RHOBTB2: variants seen among roughly 807,000 people sequenced by gnomAD.
RHOBTB2 encodes Rho related BTB domain containing 2.
RHOBTB2 carries 39 observed loss-of-function variants against 66.5 expected under a neutral mutation model. The ratio of observed to expected loss-of-function variants is 0.59; its 90% CI spans 0.45 to 0.77. RHOBTB2 has a LOEUF of 0.77. RHOBTB2 is among the 30% of genes least tolerant of loss of function. The probability of loss-of-function intolerance (pLI) is 0.00; values close to 1 mark genes in which losing one functional copy is unlikely to be tolerated. For synonymous variants in RHOBTB2, 390 were observed against 395.0 expected (o/e 0.99, Z 0.15); for missense variants, 755 against 999.1 (o/e 0.76, Z 3.29).
At chr8:23,014,396 A>T (rs868172982) in intron 7 of RHOBTB2, among the ~76,000 whole-genome samples, 2 of 152,286 alleles carry the variant, frequency 1.3e-5, no homozygotes, top group Non-Finnish European at 2.9e-5. Flanking sequence ...TCTGTTGGGA[A>T]CTTTGACCCT....
chr8:23,008,774 T>C (rs1296857601), intron 6 of RHOBTB2, among the ~76,000 whole-genome samples: 1 of 152,058 alleles, frequency 6.6e-6, no homozygotes, highest in African/African-American at 2.4e-5. Context: ...GTTTGAATAA[T>C]GTTAGCCGGC....
chr8:22,993,809 C>G (rs937605084), intron 2 of RHOBTB2, among the ~76,000 whole-genome samples: 3 of 152,242 alleles, frequency 2.0e-5, no homozygotes, highest in South Asian at 4.1e-4. Flanking sequence ...CCTGGCATCT[C>G]TAACCTCTTC....
intron 2 of RHOBTB2, among the ~76,000 whole-genome samples, chr8:23,005,074 G>A (rs1016514423): frequency 3.3e-5 from 5 of 152,096 alleles, no homozygotes; most frequent in African/African-American, 1.2e-4. Flanking sequence ...ACCCATAGCA[G>A]TCCCTTAGGG....
intron 6 of RHOBTB2, among the ~76,000 whole-genome samples, chr8:23,009,396 G>T (rs1448529127): frequency 6.6e-6 from 1 of 152,138 alleles, no homozygotes; most frequent in Non-Finnish European, 1.5e-5. Context: ...AAGCAGAGTA[G>T]CCTGGGCAGT....
At chr8:23,009,502 G>T (rs951859274) in intron 6 of RHOBTB2, among the ~76,000 whole-genome samples, 1 of 152,256 alleles carries the variant, frequency 6.6e-6, no homozygotes, top group African/African-American at 2.4e-5. Flanking sequence ...GTGCAGGCGC[G>T]TGGAGTTCTG....
At chr8:23,010,024 C>T (rs112470765) in intron 6 of RHOBTB2, among the ~76,000 whole-genome samples, 2,874 of 152,266 alleles carry the variant, frequency 0.019, 39 homozygotes, top group Non-Finnish European at 0.028. Context: ...TATTCTGTAT[C>T]CCACTTCTGT....
At position 23,004,374 on chromosome 8, in the gene RHOBTB2, C is replaced by T. The variant is rs1810882434; in HGVS notation, c.-10-51C>T. ...AGCTGCGGGTGCTGGCCCTGGCCCA[C>T]GGCGAGCTGGCATGCCATGCCGTCC... On this transcript the variant is annotated intron_variant, in intron 1 of 9. Transcript: ENST00000251822. The surrounding 1 kb of genome is among the most constrained non-coding windows in gnomAD (Gnocchi z 6.4). The T allele has an allele frequency of 3.9e-6, 6 of 1,527,748 alleles. No individual in the cohort carries two copies. The highest frequency in any genetic ancestry group is 1.4e-5 in the African/African-American group (1 of 73,276). The allele number at this position is 1,527,748 out of a possible 1,614,324, so 94.6% of individuals were successfully genotyped here.
At chr8:22,952,232 G>T in the RHOBTB2 span, among the ~76,000 whole-genome samples, 1 of 151,986 alleles carries the variant, frequency 6.6e-6, no homozygotes. Flanking sequence ...TGAAACAATG[G>T]CCATTGTACA....
chr8:23,008,217 C>T (rs924476958), intron 6 of RHOBTB2, 106 bp downstream of exon 6: 4 of 779,722 alleles, frequency 5.1e-6, no homozygotes, highest in Non-Finnish European at 4.2e-6. Context: ...TGTGTGCTAA[C>T]CACAGGGTGA....
At chr8:23,010,882 T>C (rs1212811477) in intron 7 of RHOBTB2, among the ~76,000 whole-genome samples, 194 bp downstream of exon 7, 1 of 152,166 alleles carries the variant, frequency 6.6e-6, no homozygotes, top group Non-Finnish European at 1.5e-5. Flanking sequence ...GTGCGGGGCA[T>C]GTTTGATGGG....
intron 1 of RHOBTB2, among the ~76,000 whole-genome samples, chr8:22,988,442 G>A (rs1480829884): frequency 1.3e-5 from 2 of 152,088 alleles, no homozygotes; most frequent in South Asian, 2.1e-4. Flanking sequence ...GATTACAGGC[G>A]TGAGCCACCG....
the RHOBTB2 span, among the ~76,000 whole-genome samples, chr8:22,954,781 T>G: frequency 6.6e-6 from 1 of 152,198 alleles, no homozygotes; most frequent in South Asian, 2.1e-4. Flanking sequence ...CCACAAACTG[T>G]ACCAAGGAAA....
chr8:22,981,171 C>T, the RHOBTB2 span, among the ~76,000 whole-genome samples: 1 of 152,322 alleles, frequency 6.6e-6, no homozygotes, highest in African/African-American at 2.4e-5. Flanking sequence ...TCTTTTCTTA[C>T]GATCTCATTT....
intron 8 of RHOBTB2, 112 bp from the exon 9 acceptor site, chr8:23,015,526 G>C: frequency 2.9e-6 from 2 of 679,154 alleles, no homozygotes; most frequent in South Asian, 3.6e-5. Flanking sequence ...AGAACTGCAG[G>C]GCCTCTGCGT....
At chr8:22,959,284 T>C in the RHOBTB2 span, among the ~76,000 whole-genome samples, 1 of 152,180 alleles carries the variant, frequency 6.6e-6, no homozygotes, top group South Asian at 2.1e-4. Context: ...TCTCACTCTA[T>C]GGCCCAGGCT....
intron 7 of RHOBTB2, 125 bp from the exon 8 acceptor site, chr8:23,014,565 T>C: frequency 1.3e-6 from 1 of 798,312 alleles, no homozygotes; most frequent in Non-Finnish European, 2.1e-6. Context: ...GGGCCTTTCC[T>C]GGCCTGTCCG....
intron 6 of RHOBTB2, among the ~76,000 whole-genome samples, chr8:23,009,300 C>T (rs1312483033): frequency 6.6e-6 from 1 of 152,178 alleles, no homozygotes. Context: ...CTTTCTCACT[C>T]ACCTAGATTG....
At chr8:22,974,913 C>G in the RHOBTB2 span, among the ~76,000 whole-genome samples, 1 of 152,206 alleles carries the variant, frequency 6.6e-6, no homozygotes, top group African/African-American at 2.4e-5. Flanking sequence ...GCCTCACCCA[C>G]TAAGCGCCCC....
chr8:22,955,705 G>GACT, the RHOBTB2 span, among the ~76,000 whole-genome samples: 1 of 151,644 alleles, frequency 6.6e-6, no homozygotes, highest in Admixed American at 6.6e-5. Flanking sequence ...AAATAGCTGG[G>GACT]ACTACAGGTG....
Sources: allele counts gnomAD v4.1 joint callset (sites outside exome capture counted in the v4.1 genomes callset), GRCh38; gene constraint gnomAD v4.1.1; non-coding constraint Gnocchi (gnomAD v3.1); transcripts MANE v1.5; gene names NCBI Gene and HGNC (gene_info 2026-07-23, HGNC 2026-07-21).